The following RALYL variants were observed in gnomAD, a reference collection of about 807,000 sequenced individuals.
The protein encoded by RALYL is RNA-binding Raly-like protein.
RALYL carries 29 observed loss-of-function variants against 35.1 expected under a neutral mutation model. The ratio of observed to expected loss-of-function variants is 0.83; its 90% confidence interval spans 0.61 to 1.13. The LOEUF (loss-of-function observed/expected upper bound fraction) is 1.13. Ranked by LOEUF, RALYL falls within the 50% of genes most tolerant of loss-of-function variation. The pLI is 0.00. For synonymous variants in RALYL, 120 were observed against 127.6 expected (o/e 0.94, Z 0.40); for missense variants, 359 against 360.4 (o/e 1.00, Z 0.03).
chr8:84,652,934 A>G (rs1829156591), intron 2 of RALYL, among the ~76,000 whole-genome samples: 1 of 152,122 alleles, frequency 6.6e-6, no homozygotes, highest in African/African-American at 2.4e-5. Context: ...AATGTACTGG[A>G]AAACTAGAAA....
At chr8:84,702,312 C>A (rs1271307873) in intron 2 of RALYL, among the ~76,000 whole-genome samples, 1 of 152,094 alleles carries the variant, frequency 6.6e-6, no homozygotes, top group African/African-American at 2.4e-5. Flanking sequence ...CAGTGCATTG[C>A]CACTTAATTC....
At chr8:84,281,979 T>C (rs921188742) in intron 1 of RALYL, among the ~76,000 whole-genome samples, 2 of 152,114 alleles carry the variant, frequency 1.3e-5, no homozygotes, top group Non-Finnish European at 2.9e-5. Context: ...CTCTATGATT[T>C]AGCCATTAAT....
intron 2 of RALYL, among the ~76,000 whole-genome samples, chr8:84,561,798 G>A (rs535916480): frequency 1.3e-5 from 2 of 152,000 alleles, no homozygotes; most frequent in Admixed American, 1.3e-4. Flanking sequence ...GGAATGGAGT[G>A]GGACCCTGTG....
At chr8:84,666,868 A>G (rs920759972) in intron 2 of RALYL, among the ~76,000 whole-genome samples, 1 of 152,092 alleles carries the variant, frequency 6.6e-6, no homozygotes. Flanking sequence ...TTCAGTGAGC[A>G]CCTATTATGA....
chr8:84,544,496 G>A (rs2060227216), intron 2 of RALYL, among the ~76,000 whole-genome samples: 1 of 151,692 alleles, frequency 6.6e-6, no homozygotes, highest in Admixed American at 6.6e-5. Flanking sequence ...TCATTGCATA[G>A]TATTCTATTG....
rs769818795 is a variant in RALYL at position 84,222,810 on chromosome 8, A to G, written c.-24+38386A>G. 3.7e-4 allele frequency among the ~76,000 whole-genome samples: 56 copies of G among 152,118 alleles called. 1 individual carries two copies. Among genetic ancestry groups the G allele is most frequent in the Non-Finnish European group, 1.0e-4 (7 of 67,998 alleles). Reference sequence around the variant, plus strand: ...GGTGAAGGAGTGGGGGAAAAATGCTATAAGAAGATCGAGTCTTTGGTTATG... The same window carrying G: ...GGTGAAGGAGTGGGGGAAAAATGCTGTAAGAAGATCGAGTCTTTGGTTATG... On this transcript the variant is annotated intron_variant, in intron 1 of 8. Transcript: ENST00000521268.
intron 2 of RALYL, among the ~76,000 whole-genome samples, chr8:84,602,794 C>G (rs902141509): frequency 6.6e-6 from 1 of 152,044 alleles, no homozygotes; most frequent in African/African-American, 2.4e-5. Flanking sequence ...AACTTACTGT[C>G]AAGTAGGAGA....
intron 1 of RALYL, among the ~76,000 whole-genome samples, chr8:84,456,565 T>C (rs1294461604): frequency 1.3e-5 from 2 of 152,006 alleles, no homozygotes; most frequent in Admixed American, 6.6e-5. Flanking sequence ...GAATGAATGA[T>C]TCATTGTCTG....
At chr8:84,592,267 C>T (rs886221481) in intron 2 of RALYL, among the ~76,000 whole-genome samples, 1 of 152,068 alleles carries the variant, frequency 6.6e-6, no homozygotes, top group African/African-American at 2.4e-5. Flanking sequence ...CAGATATTAT[C>T]AGAAATATAT....
In RALYL at chr8:84,628,034, T is replaced by C. The variant is rs556485486; in HGVS notation, c.256+98457T>C. Among the ~76,000 whole-genome samples, 27 of 152,222 alleles carry C rather than the reference T, an allele frequency of 1.8e-4. No individual in the cohort carries two copies. In the South Asian group the frequency reaches 5.4e-3, roughly 30 times the overall value. ...TCTATTCTCTGGAATCTCAAAGTAA[T>C]CTTTTAAAAATATAAATACAACTAA... On this transcript the variant is annotated intron_variant, in intron 2 of 8. Coordinates refer to ENST00000521268, the MANE Select transcript of RALYL (RefSeq NM_173848.7).
chr8:84,463,182 G>A (rs934468974), intron 1 of RALYL, among the ~76,000 whole-genome samples: 1 of 151,908 alleles, frequency 6.6e-6, no homozygotes, highest in African/African-American at 2.4e-5. Flanking sequence ...GTATCTGGGT[G>A]TAATTTCACT....
At chr8:84,820,066 C>A (rs556490917) in intron 4 of RALYL, among the ~76,000 whole-genome samples, 2 of 152,108 alleles carry the variant, frequency 1.3e-5, no homozygotes, top group African/African-American at 4.8e-5. Context: ...AGAGAGAGAA[C>A]CTGTTCAATC....
chr8:84,549,300 G>C (rs1388783363), intron 2 of RALYL, among the ~76,000 whole-genome samples: 1 of 152,166 alleles, frequency 6.6e-6, no homozygotes, highest in Non-Finnish European at 1.5e-5. Flanking sequence ...GTGATAGTGT[G>C]AGCTAGAAAC....
intron 1 of RALYL, among the ~76,000 whole-genome samples, chr8:84,384,928 C>T (rs1858858144): frequency 6.6e-6 from 1 of 151,836 alleles, no homozygotes; most frequent in Admixed American, 6.6e-5. Context: ...TCCATTCCTT[C>T]TCCAATTAAT....
chr8:84,489,484 A>G (rs1432222366), intron 1 of RALYL, among the ~76,000 whole-genome samples: 1 of 152,110 alleles, frequency 6.6e-6, no homozygotes, highest in Non-Finnish European at 1.5e-5. Flanking sequence ...ACAGTTATTG[A>G]AAACTTACTG....
At chr8:84,735,809 CGCGAGAGAGAGAGAGA>C (rs1847170320) in intron 2 of RALYL, among the ~76,000 whole-genome samples, 2 of 119,046 alleles carry the variant, frequency 1.7e-5, no homozygotes, top group Admixed American at 8.3e-5. Context: ...TCATCCAAAC[CGCGAGAGAGAGAGAGA>C]GAGAGAGAGA....
At chr8:84,453,657 G>A (rs2049785306) in intron 1 of RALYL, among the ~76,000 whole-genome samples, 1 of 152,130 alleles carries the variant, frequency 6.6e-6, no homozygotes, top group South Asian at 2.1e-4. Flanking sequence ...TTGAACAATT[G>A]TCTTAGACTG....
intron 2 of RALYL, among the ~76,000 whole-genome samples, chr8:84,739,572 A>G (rs1317879618): frequency 6.6e-6 from 1 of 151,822 alleles, no homozygotes; most frequent in Non-Finnish European, 1.5e-5. Context: ...GTATATATGT[A>G]TTTCATATAT....
intron 2 of RALYL, among the ~76,000 whole-genome samples, chr8:84,636,573 C>T (rs1825106079): frequency 6.6e-6 from 1 of 151,764 alleles, no homozygotes. Flanking sequence ...AGCTGGACAG[C>T]CTATAATATA....
Sources: allele counts gnomAD v4.1 joint callset (sites outside exome capture counted in the v4.1 genomes callset), GRCh38; gene constraint gnomAD v4.1.1; transcripts MANE v1.5; gene names NCBI Gene and HGNC (gene_info 2026-07-23, HGNC 2026-07-21).